The following CLOCK variants were observed in gnomAD, a reference collection of about 807,000 sequenced individuals.
CLOCK encodes clock circadian regulator.
Under a neutral mutation model 118.4 loss-of-function variants are expected in CLOCK, and 43 were observed. That is an observed-to-expected ratio of 0.36 (90% CI 0.28 to 0.47). CLOCK has a LOEUF of 0.47. Ranked by LOEUF, CLOCK falls within the 20% of genes least tolerant of loss-of-function variation. CLOCK has a pLI of 1.00. For missense variants in CLOCK, 846 were observed against 999.9 expected (o/e 0.85, Z 2.08); for synonymous variants, 326 against 339.2 (o/e 0.96, Z 0.43).
intron 4 of CLOCK, among the ~76,000 whole-genome samples, chr4:55,480,008 TAG>T (rs1355869514): frequency 6.6e-6 from 1 of 152,224 alleles, no homozygotes; most frequent in Admixed American, 6.5e-5. Flanking sequence ...TAAAAACGTA[TAG>T]AAAGTCAGTG....
At chr4:55,473,996 G>C (rs1447866366) in intron 7 of CLOCK, among the ~76,000 whole-genome samples, 1 of 152,088 alleles carries the variant, frequency 6.6e-6, no homozygotes, top group African/African-American at 2.4e-5. Flanking sequence ...TGGCCTTTAA[G>C]TATTCAAGTG....
intron 3 of CLOCK, among the ~76,000 whole-genome samples, chr4:55,487,812 C>T (rs981039487): frequency 1.3e-5 from 2 of 152,178 alleles, no homozygotes; most frequent in African/African-American, 4.8e-5. Flanking sequence ...TTTCCCACAG[C>T]AGGCTTAGGA....
chr4:55,438,502 A>C lies in CLOCK; in HGVS notation c.2141T>G (p.Val714Gly). 1.2e-6 allele frequency: 2 copies of C among 1,613,774 alleles called. No individual in the cohort carries two copies. The highest frequency in any genetic ancestry group is 8.5e-7 in the Non-Finnish European group (1 of 1,179,996). Reference protein sequence around the residue: ...SQGQQLVTKLVTAPVACGAVM... With the variant: ...SQGQQLVTKLGTAPVACGAVM... ...TGCCCCACAAGCTACAGGAGCAGTC[A>C]CTAATTTGGTCACAAGTTGTTGACC... The change falls in exon 22 of 23, where the codon GTG becomes GGG. Residue 714 changes from valine (V) to glycine (G), a missense_variant. This residue lies in a region of CLOCK where 520 missense variants were observed against 558.0 expected (regional missense o/e 0.93). Coordinates refer to ENST00000513440, the MANE Select transcript of CLOCK (RefSeq NM_004898.4).
intron 21 of CLOCK, among the ~76,000 whole-genome samples, chr4:55,438,996 TAAAC>T (rs957975421): frequency 6.6e-6 from 1 of 152,142 alleles, no homozygotes; most frequent in African/African-American, 2.4e-5. Context: ...AAAGAACAGA[TAAAC>T]AGATAAACTG....
intron 11 of CLOCK, among the ~76,000 whole-genome samples, chr4:55,457,039 C>G (rs1724968359): frequency 6.6e-6 from 1 of 152,114 alleles, no homozygotes. Flanking sequence ...AATAAATAAC[C>G]TTTAGATGCA....
chr4:55,545,268 C>T (rs1041113255), intron 1 of CLOCK, among the ~76,000 whole-genome samples: 3 of 152,086 alleles, frequency 2.0e-5, no homozygotes, highest in African/African-American at 7.2e-5. Context: ...TTTCCTTCCC[C>T]CAAGCTTTGA....
At chr4:55,545,277 G>C (rs932903683) in intron 1 of CLOCK, among the ~76,000 whole-genome samples, 7 of 152,080 alleles carry the variant, frequency 4.6e-5, no homozygotes, top group African/African-American at 1.2e-4. Flanking sequence ...CCCAAGCTTT[G>C]AAAACCAATC....
Position 55,462,994 on chromosome 4 carries a change from C to T in CLOCK, c.559+691G>A, listed in dbSNP as rs528349198. Among the ~76,000 whole-genome samples the T allele has an allele frequency of 2.0e-5, 3 of 152,204 alleles. No individual in the cohort carries two copies. The South Asian group carries it at 6.2e-4, about 32-fold the overall frequency. On this transcript the variant is annotated intron_variant, in intron 9 of 22. Coordinates refer to ENST00000513440, the MANE Select transcript of CLOCK (RefSeq NM_004898.4). ...TGAAAAAGGTGATTAAACAAGGTAT[C>T]TAATAGCTAATGGTGAAATGTACTG...
At chr4:55,513,196 G>A (rs561567134) in intron 1 of CLOCK, among the ~76,000 whole-genome samples, 4 of 151,916 alleles carry the variant, frequency 2.6e-5, no homozygotes, top group East Asian at 3.9e-4. Flanking sequence ...CTTTTAAACT[G>A]TATGTTTACA....
intron 18 of CLOCK, among the ~76,000 whole-genome samples, chr4:55,446,101 CTTTTT>C (rs766235766): frequency 3.7e-5 from 4 of 107,348 alleles, no homozygotes; most frequent in Non-Finnish European, 3.7e-5. Flanking sequence ...AATTTAACTT[CTTTTT>C]TTTTTTTTTT....
rs1279966145 is a variant in CLOCK, at chr4:55,449,302, G to A, written c.1449+94C>T. 3.5e-6 allele frequency: 4 copies of A among 1,127,200 alleles called. No homozygotes were observed. The African/African-American group carries it at 6.1e-5, about 17-fold the overall frequency. 69.8% of individuals were successfully genotyped at this position (1,127,200 alleles called of 1,614,324 possible). ...CAGTAACTATTTTGATCTTTACAAA[G>A]AGGGGTGACAAATAGATGAATTTCT... is the stretch of plus-strand genomic sequence containing the variant. On this transcript the variant is annotated intron_variant, in intron 17 of 22. Coordinates refer to ENST00000513440, the MANE Select transcript of CLOCK (RefSeq NM_004898.4).
intron 4 of CLOCK, among the ~76,000 whole-genome samples, chr4:55,481,538 A>G (rs1419645968): frequency 2.6e-5 from 4 of 152,326 alleles, no homozygotes; most frequent in Middle Eastern, 6.8e-3. Context: ...GTTCAAAGCT[A>G]TTGACATGGT....
At chr4:55,458,851 T>C (rs1397041328) in intron 11 of CLOCK, 41 bp downstream of exon 11, 2 of 1,416,340 alleles carry the variant, frequency 1.4e-6, no homozygotes, top group Non-Finnish European at 2.0e-6. Context: ...TCTCAGCATA[T>C]GAACTGAAAT....
At chr4:55,531,810 C>T (rs9998146) in intron 1 of CLOCK, among the ~76,000 whole-genome samples, 46,244 of 148,800 alleles carry the variant, frequency 0.31, 7,439 homozygotes, top group Middle Eastern at 0.41. Flanking sequence ...TCTAAAAAGC[C>T]GCCATTACCC....
intron 17 of CLOCK, 108 bp downstream of exon 17, chr4:55,449,288 T>G (rs1724217420): frequency 9.8e-7 from 1 of 1,021,218 alleles, no homozygotes; most frequent in Non-Finnish European, 1.5e-6. Context: ...AGTAACTATT[T>G]TGATCTTTAC....
At chr4:55,546,655 T>A (rs1006310551) in intron 1 of CLOCK, 127 bp downstream of exon 1, 1 of 49,380 alleles carries the variant, frequency 2.0e-5, no homozygotes, top group African/African-American at 8.5e-5. Context: ...TCGCCGCTCC[T>A]GTGGCCAGCT....
At chr4:55,518,329 T>G (rs1729648676) in intron 1 of CLOCK, among the ~76,000 whole-genome samples, 1 of 152,040 alleles carries the variant, frequency 6.6e-6, no homozygotes, top group Non-Finnish European at 1.5e-5. Flanking sequence ...CGGGGAGAAT[T>G]TATCTGACCA....
At chr4:55,477,566 A>C (rs1726605822) in intron 6 of CLOCK, among the ~76,000 whole-genome samples, 2 of 152,126 alleles carry the variant, frequency 1.3e-5, no homozygotes, top group African/African-American at 4.8e-5. Flanking sequence ...TAAGAGAAAG[A>C]GGTAACTTGA....
intron 1 of CLOCK, among the ~76,000 whole-genome samples, chr4:55,544,472 T>C (rs1731480470): frequency 6.6e-6 from 1 of 152,166 alleles, no homozygotes; most frequent in African/African-American, 2.4e-5. Context: ...AGTCATATAT[T>C]TTAGCAAGGC....
Sources: gnomAD v4.1 joint callset for allele counts (sites outside exome capture counted in the v4.1 genomes callset) on GRCh38, gnomAD v4.1.1 for gene constraint, gnomAD v4.1.1 regional missense constraint, MANE v1.5 for transcripts, NCBI Gene and HGNC (gene_info 2026-07-23, HGNC 2026-07-21) for gene names.